Variants in SCFD2 observed in about 807,000 individuals in gnomAD.
SCFD2 encodes the protein sec1 family domain-containing protein 2.
A neutral mutation model predicts 58.9 loss-of-function variants in SCFD2; 54 were observed. That is an observed-to-expected ratio of 0.92 (90% CI 0.74 to 1.15). The LOEUF (loss-of-function observed/expected upper bound fraction) is 1.15. Among genes scored for constraint, SCFD2 ranks in the 50% most tolerant of loss-of-function variants. The pLI, the probability that SCFD2 is intolerant of heterozygous loss-of-function variation, is 0.00. For synonymous variants in SCFD2, 321 were observed against 335.9 expected (o/e 0.96, Z 0.49); for missense variants, 805 against 836.6 (o/e 0.96, Z 0.47).
chr4:53,358,278 C>A (rs1461276121), intron 1 of SCFD2, among the ~76,000 whole-genome samples: 1 of 151,922 alleles, frequency 6.6e-6, no homozygotes, highest in African/African-American at 2.4e-5. Flanking sequence ...CCTGTAATGC[C>A]AAAACTTTGG....
chr4:52,932,841 T>C (rs910781407), intron 5 of SCFD2, among the ~76,000 whole-genome samples: 4 of 152,296 alleles, frequency 2.6e-5, no homozygotes, highest in South Asian at 2.1e-4. Flanking sequence ...AGCATCACTA[T>C]GCCTGAAATT....
chr4:53,091,672 T>C (rs996914771), intron 5 of SCFD2, among the ~76,000 whole-genome samples: 4 of 152,112 alleles, frequency 2.6e-5, no homozygotes, highest in Non-Finnish European at 5.9e-5. Flanking sequence ...TCCAGAGTCC[T>C]GTAGATACAA....
chr4:52,953,879 G>A (rs1444975848), intron 5 of SCFD2, among the ~76,000 whole-genome samples: 4 of 152,212 alleles, frequency 2.6e-5, no homozygotes, highest in African/African-American at 9.6e-5. Flanking sequence ...GGCACTTGTT[G>A]ATTCTTGTTT....
intron 2 of SCFD2, among the ~76,000 whole-genome samples, chr4:53,342,215 C>A (rs772332277): frequency 6.6e-6 from 1 of 152,110 alleles, no homozygotes; most frequent in Non-Finnish European, 1.5e-5. Context: ...CGAGACCCAA[C>A]TCACGTGCAG....
intron 5 of SCFD2, among the ~76,000 whole-genome samples, chr4:53,106,945 C>T (rs1034988794): frequency 1.6e-4 from 25 of 152,000 alleles, no homozygotes; most frequent in Middle Eastern, 6.8e-3. Context: ...AAAATTGAAA[C>T]GAAGGAAAAA....
intron 4 of SCFD2, among the ~76,000 whole-genome samples, chr4:53,208,204 C>T (rs1468384759): frequency 7.9e-5 from 12 of 151,782 alleles, no homozygotes; most frequent in Non-Finnish European, 1.6e-4. Context: ...CTCAAATTCA[C>T]GAGCTCATGC....
intron 4 of SCFD2, among the ~76,000 whole-genome samples, chr4:53,200,461 A>G (rs1728194685): frequency 6.6e-6 from 1 of 152,162 alleles, no homozygotes; most frequent in Admixed American, 6.6e-5. Flanking sequence ...AATGAAAAAA[A>G]TTGCCATAGT....
intron 4 of SCFD2, among the ~76,000 whole-genome samples, chr4:53,162,889 T>A (rs1577791490): frequency 1.3e-5 from 2 of 151,200 alleles, no homozygotes; most frequent in East Asian, 3.9e-4. Flanking sequence ...AATAAATAAA[T>A]AAAAATAAAA....
At chr4:53,021,236 T>C (rs1445914263) in intron 5 of SCFD2, among the ~76,000 whole-genome samples, 2 of 152,208 alleles carry the variant, frequency 1.3e-5, no homozygotes, top group Non-Finnish European at 2.9e-5. Flanking sequence ...TAATTTTACA[T>C]GTCCTGTGAG....
intron 5 of SCFD2, among the ~76,000 whole-genome samples, chr4:52,954,662 T>A (rs962035500): frequency 7.3e-5 from 11 of 151,598 alleles, no homozygotes; most frequent in Admixed American, 1.3e-4. Context: ...AAAGGGTGAG[T>A]CCAGAGAAAA....
chr4:53,313,575 A>G, intron 3 of SCFD2, 61 bp downstream of exon 3: 3 of 1,605,730 alleles, frequency 1.9e-6, no homozygotes, highest in Admixed American at 1.7e-5. Context: ...TTGGCCCACA[A>G]TTCAGAACAG....
intron 5 of SCFD2, among the ~76,000 whole-genome samples, chr4:53,120,516 C>A (rs1725449965): frequency 6.6e-6 from 1 of 152,152 alleles, no homozygotes; most frequent in African/African-American, 2.4e-5. Context: ...GCATTAATAA[C>A]TTGTATTTTT....
chr4:53,187,288 A>C (rs1448987650), intron 4 of SCFD2, among the ~76,000 whole-genome samples: 3 of 152,142 alleles, frequency 2.0e-5, no homozygotes, highest in African/African-American at 7.2e-5. Flanking sequence ...CTGTGAAGCA[A>C]TGGACAGCAT....
chr4:53,329,105 G>A (rs1208845943), intron 2 of SCFD2, among the ~76,000 whole-genome samples: 1 of 152,328 alleles, frequency 6.6e-6, no homozygotes, highest in South Asian at 2.1e-4. Flanking sequence ...CGCCCACAGA[G>A]TCTCACTGAT....
chr4:53,312,419 A>G (rs1732719571), intron 3 of SCFD2, among the ~76,000 whole-genome samples: 1 of 152,116 alleles, frequency 6.6e-6, no homozygotes, highest in Non-Finnish European at 1.5e-5. Flanking sequence ...CCTACCTGCA[A>G]AATGGGATAC....
At chr4:53,084,732 T>C (rs1724256052) in intron 5 of SCFD2, among the ~76,000 whole-genome samples, 1 of 152,194 alleles carries the variant, frequency 6.6e-6, no homozygotes, top group Admixed American at 6.6e-5. Flanking sequence ...GCAAGGATGG[T>C]TCAGCTTATG....
At chr4:52,895,740 T>C (rs1718991390) in intron 7 of SCFD2, among the ~76,000 whole-genome samples, 1 of 152,216 alleles carries the variant, frequency 6.6e-6, no homozygotes, top group African/African-American at 2.4e-5. Context: ...GCCTGAGGAA[T>C]CGTCACACCG....
At chr4:52,977,302 G>A (rs933574073) in intron 5 of SCFD2, among the ~76,000 whole-genome samples, 1 of 152,164 alleles carries the variant, frequency 6.6e-6, no homozygotes, top group African/African-American at 2.4e-5. Context: ...GAGAAATTAT[G>A]TGTTACAGCA....
chr4:53,125,563 T>C (rs1725602500), intron 5 of SCFD2, among the ~76,000 whole-genome samples: 4 of 152,198 alleles, frequency 2.6e-5, no homozygotes, highest in South Asian at 2.1e-4. Context: ...TGCTGTTGAG[T>C]AGCTAACCTC....
Sources: allele counts gnomAD v4.1 joint callset (sites outside exome capture counted in the v4.1 genomes callset), GRCh38; gene constraint gnomAD v4.1.1; transcripts MANE v1.5; gene names NCBI Gene and HGNC (gene_info 2026-07-23, HGNC 2026-07-21).